Variants in PDE6A observed in about 807,000 individuals in gnomAD.
PDE6A encodes rod cGMP-specific 3',5'-cyclic phosphodiesterase subunit alpha.
In PDE6A, 84 loss-of-function variants were observed where a neutral mutation model predicts 106.3. The observed-to-expected ratio is 0.79, with a 90% confidence interval of 0.66 to 0.95. PDE6A has a LOEUF of 0.95. PDE6A is among the 40% of genes least tolerant of loss of function. PDE6A has a pLI of 0.00. For missense variants in PDE6A, 1,052 were observed against 1,084.9 expected (o/e 0.97, Z 0.43); for synonymous variants, 394 against 386.6 (o/e 1.02, Z -0.23).
intron 8 of PDE6A, among the ~76,000 whole-genome samples, chr5:149,902,726 G>A (rs1753024304): frequency 6.6e-6 from 1 of 151,876 alleles, no homozygotes. Flanking sequence ...GGAGGCTGAG[G>A]CAGGAGGATG....
In PDE6A at chr5:149,896,253, G is replaced by C. The variant is rs1480102055; in HGVS notation, c.1620+103C>G. The C allele has an allele frequency of 1.3e-5, 12 of 935,970 alleles. No individual in the cohort carries two copies. The East Asian group carries it at 2.7e-4, about 21-fold the overall frequency. 58.0% of individuals were successfully genotyped at this position (935,970 alleles called of 1,614,324 possible). On this transcript the variant is annotated intron_variant, in intron 12 of 21. Coordinates refer to ENST00000255266, the MANE Select transcript of PDE6A (RefSeq NM_000440.3). ...TAATTCTTTAAATCCTAAATACTGA[G>C]AGTAAACTCTTTTTAAGGTAGTTTA...
intron 17 of PDE6A, among the ~76,000 whole-genome samples, chr5:149,875,609 C>T (rs1760712046): frequency 6.6e-6 from 1 of 151,814 alleles, no homozygotes; most frequent in Non-Finnish European, 1.5e-5. Context: ...TCCACCTCAG[C>T]CTCCTGAGTA....
chr5:149,908,001 C>A (rs1024742718), intron 6 of PDE6A, among the ~76,000 whole-genome samples: 1 of 152,346 alleles, frequency 6.6e-6, no homozygotes, highest in African/African-American at 2.4e-5. Context: ...CCAAAGGTAA[C>A]CATTATTCTG....
intron 5 of PDE6A, among the ~76,000 whole-genome samples, chr5:149,916,844 C>T (rs1487973546): frequency 2.0e-5 from 3 of 152,140 alleles, no homozygotes; most frequent in Admixed American, 2.0e-4. Flanking sequence ...TGTCACCTAA[C>T]GTTAACAGCT....
Position 149,875,969 on chromosome 5 carries a change from TG to T in PDE6A, c.2135+7459del, listed in dbSNP as rs1363935116. On this transcript the variant is annotated intron_variant, in intron 17 of 21. Coordinates refer to ENST00000255266, the MANE Select transcript of PDE6A (RefSeq NM_000440.3). ...TTGTGTGTATATACGTGTACATGTATGTGCATATGTGTTTCTGTATATATAT... is the reference window on the plus strand; with the variant it reads ...TTGTGTGTATATACGTGTACATGTATTGCATATGTGTTTCTGTATATATAT... 1.1e-4 allele frequency among the ~76,000 whole-genome samples: 16 copies of T among 152,368 alleles called. 1 individual carries two copies. The highest frequency in any genetic ancestry group is 3.8e-4 in the African/African-American group (16 of 41,580).
At chr5:149,920,942 AAAAGAAAGAAAGAAAGAAAG>A (rs3049632) in intron 5 of PDE6A, among the ~76,000 whole-genome samples, 2 of 108,282 alleles carry the variant, frequency 1.8e-5, no homozygotes, top group Non-Finnish European at 3.5e-5. Context: ...GAAAGAGAGA[AAAAGAAAGAAAGAAAGAAAG>A]AAAGAAAGAA....
At chr5:149,876,784 T>G (rs1192672973) in intron 17 of PDE6A, among the ~76,000 whole-genome samples, 1 of 152,158 alleles carries the variant, frequency 6.6e-6, no homozygotes, top group Non-Finnish European at 1.5e-5. Flanking sequence ...CCAGTTCCTA[T>G]TTTTAAATTT....
intron 3 of PDE6A, among the ~76,000 whole-genome samples, chr5:149,933,224 TC>T (rs899775880): frequency 2.6e-5 from 4 of 152,174 alleles, no homozygotes; most frequent in Admixed American, 2.6e-4. Flanking sequence ...TACCTCAGCC[TC>T]CCAAAGTGCT....
intron 19 of PDE6A, chr5:149,867,037 C>T (rs900654954): frequency 3.2e-5 from 5 of 157,350 alleles, no homozygotes; most frequent in Non-Finnish European, 5.6e-5. Flanking sequence ...TCTACTCTCT[C>T]TCGGCTCCTG....
At chr5:149,904,948 T>A (rs775714395) in intron 7 of PDE6A, among the ~76,000 whole-genome samples, 49 of 152,120 alleles carry the variant, frequency 3.2e-4, no homozygotes, top group Non-Finnish European at 5.6e-4. Flanking sequence ...TCGTTACCCA[T>A]CCACTACTCA....
intron 4 of PDE6A, among the ~76,000 whole-genome samples, chr5:149,925,477 C>A (rs1357305491): frequency 6.6e-6 from 1 of 151,992 alleles, no homozygotes; most frequent in African/African-American, 2.4e-5. Flanking sequence ...GAGGCCAAGA[C>A]AGGCAGACCA....
chr5:149,862,121 A>G (rs1760165759), intron 21 of PDE6A, among the ~76,000 whole-genome samples: 1 of 152,130 alleles, frequency 6.6e-6, no homozygotes, highest in Non-Finnish European at 1.5e-5. Context: ...ATGGGTGTGC[A>G]AAGGAGGGCA....
intron 8 of PDE6A, among the ~76,000 whole-genome samples, chr5:149,900,716 G>C (rs904508072): frequency 6.6e-6 from 1 of 152,052 alleles, no homozygotes; most frequent in African/African-American, 2.4e-5. Context: ...CCTGGTGAGA[G>C]AGTGTCTCCA....
At chr5:149,898,605 C>A in intron 9 of PDE6A, 99 bp from the exon 10 acceptor site, 1 of 1,294,902 alleles carries the variant, frequency 7.7e-7, no homozygotes, top group Middle Eastern at 1.8e-4. Flanking sequence ...GTTTTCTCAG[C>A]TATAAAATGG....
Position 149,886,490 on chromosome 5 carries a change from G to C in PDE6A, c.1729-116C>G, listed in dbSNP as rs561216003. ...CTAAAAAACTCATGGGTCTGATCTTGGCTGTATCCTGGCTCCAGAGGCTGA... is the reference window on the plus strand; with the variant it reads ...CTAAAAAACTCATGGGTCTGATCTTCGCTGTATCCTGGCTCCAGAGGCTGA... On this transcript the variant is annotated intron_variant, in intron 13 of 21. Coordinates refer to ENST00000255266, the MANE Select transcript of PDE6A (RefSeq NM_000440.3). 1.1e-4 allele frequency: 84 copies of C among 767,864 alleles called. No homozygotes were observed. In the African/African-American group the frequency reaches 1.3e-3, roughly 12 times the overall value. 47.6% of individuals were successfully genotyped at this position (767,864 alleles called of 1,614,324 possible). A position where few individuals can be genotyped will look rare whatever the true frequency, so the allele number is the denominator to read the frequency against.
chr5:149,910,967 C>A (rs949392386), intron 6 of PDE6A, among the ~76,000 whole-genome samples: 1 of 148,912 alleles, frequency 6.7e-6, no homozygotes, highest in Non-Finnish European at 1.5e-5. Context: ...GTAGCCTCCA[C>A]CTCCCCGGCT....
At chr5:149,871,491 A>G (rs1160290226) in intron 17 of PDE6A, among the ~76,000 whole-genome samples, 1 of 151,892 alleles carries the variant, frequency 6.6e-6, no homozygotes, top group Admixed American at 6.6e-5. Context: ...ATGTGTAACC[A>G]TTTACTTGCT....
chr5:149,867,280 A>G (rs1391569712), intron 19 of PDE6A: 1 of 222,742 alleles, frequency 4.5e-6, no homozygotes, highest in African/African-American at 2.3e-5. Flanking sequence ...AGCCAAGTTA[A>G]CTTTCAATGT....
chr5:149,918,357 G>A (rs911376511), intron 5 of PDE6A, among the ~76,000 whole-genome samples: 1 of 152,180 alleles, frequency 6.6e-6, no homozygotes, highest in African/African-American at 2.4e-5. Flanking sequence ...AGTGAAAAAA[G>A]CAAGGCACAA....
Sources: allele counts gnomAD v4.1 joint callset (sites outside exome capture counted in the v4.1 genomes callset), GRCh38; gene constraint gnomAD v4.1.1; transcripts MANE v1.5; gene names NCBI Gene and HGNC (gene_info 2026-07-23, HGNC 2026-07-21).